The following RABL3 variants were observed in gnomAD, a reference collection of about 807,000 sequenced individuals.
RABL3 encodes the protein rab-like protein 3.
In RABL3, 31 loss-of-function variants were observed where a neutral mutation model predicts 31.8. The ratio of observed to expected loss-of-function variants is 0.97; its 90% CI spans 0.73 to 1.31. The LOEUF is 1.31. Ranked by LOEUF, RABL3 falls within the 40% of genes most tolerant of loss-of-function variation. RABL3 has a pLI of 0.00. For missense variants in RABL3, 263 were observed against 279.6 expected, an observed-to-expected ratio of 0.94 and a Z score of 0.42; for synonymous variants, 97 against 99.9, an observed-to-expected ratio of 0.97 and a Z score of 0.18.
At chr3:120,691,446 T>C (rs1489538422) in intron 6 of RABL3, among the ~76,000 whole-genome samples, 4 of 152,174 alleles carry the variant, frequency 2.6e-5, no homozygotes, top group Non-Finnish European at 5.9e-5. Context: ...TTTTTTCACT[T>C]TCAGTATAGT....
At chr3:120,728,789 GACAGAGAGAAAGAGT>G (rs1576345874) in intron 2 of RABL3, among the ~76,000 whole-genome samples, 2 of 151,936 alleles carry the variant, frequency 1.3e-5, no homozygotes, top group East Asian at 3.9e-4. Context: ...AATATTTTGA[GACAGAGAGAAAGAGT>G]ACAGAGAGGA....
At chr3:120,729,934 T>C (rs951774926) in intron 2 of RABL3, among the ~76,000 whole-genome samples, 4 of 151,922 alleles carry the variant, frequency 2.6e-5, no homozygotes, top group African/African-American at 4.8e-5. Flanking sequence ...CACCTAGACA[T>C]AGGTTAGCAA....
At chr3:120,738,357 A>T (rs1324488821) in intron 1 of RABL3, among the ~76,000 whole-genome samples, 1 of 152,204 alleles carries the variant, frequency 6.6e-6, no homozygotes, top group African/African-American at 2.4e-5. Flanking sequence ...GGAAAAGCAC[A>T]GTATTAGGGT....
chr3:120,703,002 C>T (rs896017349), intron 4 of RABL3, among the ~76,000 whole-genome samples: 7 of 151,820 alleles, frequency 4.6e-5, no homozygotes, highest in Non-Finnish European at 8.8e-5. Flanking sequence ...GCCTGGGGAC[C>T]GAAAAAGGGA....
chr3:120,689,602 C>A lies in RABL3; in HGVS notation c.*221G>T. The stretch of plus-strand genomic sequence containing the variant: ...TATTTACACAAGGCTTTTACATAAT[C>A]TATACACAGGGACAGAAAGGTAAGG... On this transcript the variant is annotated 3_prime_UTR_variant, in exon 8 of 8. Transcript: ENST00000273375. The A allele has an allele frequency of 2.3e-6, 1 of 437,888 alleles. No homozygotes were observed. Among genetic ancestry groups the A allele is most frequent in the Non-Finnish European group, 4.1e-6 (1 of 242,748 alleles). 27.1% of individuals were successfully genotyped at this position (437,888 alleles called of 1,614,324 possible).
rs373262343 is a variant in RABL3, at chr3:120,723,661, C to T, written c.138+7035G>A. Among the ~76,000 whole-genome samples the T allele has an allele frequency of 2.6e-4, 40 of 152,270 alleles. No individual in the cohort carries two copies. The East Asian group carries it at 4.2e-3, about 16-fold the overall frequency. The stretch of plus-strand genomic sequence containing the variant: ...GGTTCAACATACGCAAATCAATAAA[C>T]GTAATCCAGCATATAAACAGAACCA... On this transcript the variant is annotated intron_variant, in intron 2 of 7. Coordinates refer to ENST00000273375, the MANE Select transcript of RABL3 (RefSeq NM_173825.5).
At position 120,742,459 on chromosome 3, in the gene RABL3, C is replaced by G; in HGVS notation, c.46+3G>C. 1.9e-6 allele frequency: 3 copies of G among 1,614,110 alleles called. No homozygotes were observed. The highest frequency in any genetic ancestry group is 2.5e-6 in the Non-Finnish European group (3 of 1,179,962). On this transcript the variant is annotated splice_donor_region_variant and intron_variant, in intron 1 of 7. Coordinates refer to ENST00000273375, the MANE Select transcript of RABL3 (RefSeq NM_173825.5). Reference sequence around the variant, plus strand: ...AGCCCCAGAGGTAGGGTAAGCCGCTCACCTGAGTCTCCCAACACCAGTACC... The same window carrying G: ...AGCCCCAGAGGTAGGGTAAGCCGCTGACCTGAGTCTCCCAACACCAGTACC...
chr3:120,689,770 G>A lies in RABL3; in HGVS notation c.*53C>T, dbSNP rs961510562. ...TGGTAATAATTGAACACAGCAAGAT[G>A]AGCTGTGAAAAACTGCCACTGCTTG... On this transcript the variant is annotated 3_prime_UTR_variant, in exon 8 of 8. Transcript: ENST00000273375. 8 of 1,165,954 alleles carry A rather than the reference G, an allele frequency of 6.9e-6. No individual in the cohort carries two copies. Among genetic ancestry groups the A allele is most frequent in the African/African-American group, 3.0e-5 (2 of 66,102 alleles). The allele number at this position is 1,165,954 out of a possible 1,614,324, so 72.2% of individuals were successfully genotyped here. A position where few individuals can be genotyped will look rare whatever the true frequency, so the allele number is the denominator to read the frequency against.
intron 2 of RABL3, among the ~76,000 whole-genome samples, chr3:120,726,271 TA>T (rs528235165): frequency 2.6e-5 from 4 of 151,506 alleles, no homozygotes; most frequent in South Asian, 4.2e-4. Flanking sequence ...TGATTTCTGT[TA>T]AAAAAAAACC....
intron 2 of RABL3, among the ~76,000 whole-genome samples, chr3:120,718,896 G>A (rs1298332951): frequency 6.6e-6 from 1 of 152,116 alleles, no homozygotes; most frequent in Non-Finnish European, 1.5e-5. Context: ...ATAACAAAAT[G>A]TTAAATCCTT....
intron 2 of RABL3, among the ~76,000 whole-genome samples, chr3:120,717,386 G>C (rs2107586753): frequency 6.6e-6 from 1 of 152,022 alleles, no homozygotes; most frequent in Non-Finnish European, 1.5e-5. Flanking sequence ...ACACAATTCA[G>C]GTAAGACTGT....
Position 120,730,790 on chromosome 3 carries a change from G to T in RABL3, c.47-3C>A. On this transcript the variant is annotated splice_region_variant and splice_polypyrimidine_tract_variant and intron_variant, in intron 1 of 7. Coordinates refer to ENST00000273375, the MANE Select transcript of RABL3 (RefSeq NM_173825.5). Reference sequence around the variant, plus strand: ...GACTAACGAAGATTTCCCAACACCTGTAAGAGATACAAGAACTCTAGTCAC... The same window carrying T: ...GACTAACGAAGATTTCCCAACACCTTTAAGAGATACAAGAACTCTAGTCAC... 6.2e-7 allele frequency: 1 copy of T among 1,601,388 alleles called. No individual in the cohort carries two copies. The highest frequency in any genetic ancestry group is 8.6e-7 in the Non-Finnish European group (1 of 1,168,646).
chr3:120,729,885 C>A (rs1199820581), intron 2 of RABL3, among the ~76,000 whole-genome samples: 1 of 151,726 alleles, frequency 6.6e-6, no homozygotes, highest in East Asian at 1.9e-4. Flanking sequence ...AGATGAGAAC[C>A]ATGACTACTT....
intron 1 of RABL3, among the ~76,000 whole-genome samples, chr3:120,735,080 CCT>C (rs1708939000): frequency 6.6e-6 from 1 of 152,154 alleles, no homozygotes; most frequent in African/African-American, 2.4e-5. Flanking sequence ...GGGAGGGTTC[CCT>C]CTTTTTCCGT....
chr3:120,689,913 T>G, intron 7 of RABL3, 25 bp from the exon 8 acceptor site: 1 of 1,587,434 alleles, frequency 6.3e-7, no homozygotes, highest in Non-Finnish European at 8.6e-7. Context: ...GATAATTGCA[T>G]TAAGTCTCAA....
rs539240451 is a variant in RABL3, at chr3:120,721,838, T to C, written c.138+8858A>G. Among the ~76,000 whole-genome samples, 10 of 152,292 alleles carry C rather than the reference T, an allele frequency of 6.6e-5. No individual in the cohort carries two copies. The East Asian group carries it at 1.7e-3, about 26-fold the overall frequency. Reference sequence around the variant, plus strand: ...CTGCACCAAGCGGACCTAATAGATATCTACAGAACTCTCCATCCCAAGTCA... The same window carrying C: ...CTGCACCAAGCGGACCTAATAGATACCTACAGAACTCTCCATCCCAAGTCA... On this transcript the variant is annotated intron_variant, in intron 2 of 7. Transcript: ENST00000273375.
chr3:120,725,507 C>T (rs952524105), intron 2 of RABL3, among the ~76,000 whole-genome samples: 21 of 152,154 alleles, frequency 1.4e-4, no homozygotes, highest in Non-Finnish European at 1.8e-4. Flanking sequence ...CGTATGTTTA[C>T]TGCAGCACTA....
rs1708318383 is a variant in RABL3, at chr3:120,687,142, C to T, written c.*2681G>A. ...TTGGATTCCAGCTAAGTCTTATACA[C>T]CTAAGGGACAGAGGAGTAGTCATAT... is the stretch of plus-strand genomic sequence containing the variant. On this transcript the variant is annotated 3_prime_UTR_variant, in exon 8 of 8. Transcript: ENST00000273375. The T allele has an allele frequency of 6.6e-6, 1 of 152,158 alleles. No homozygotes were observed. Among genetic ancestry groups the T allele is most frequent in the Non-Finnish European group, 1.5e-5 (1 of 68,040 alleles). 9.4% of individuals were successfully genotyped at this position (152,158 alleles called of 1,614,324 possible). A position where few individuals can be genotyped will look rare whatever the true frequency, so the allele number is the denominator to read the frequency against.
At chr3:120,705,952 T>C (rs1349738152) in intron 4 of RABL3, 48 bp downstream of exon 4, 5 of 1,088,798 alleles carry the variant, frequency 4.6e-6, no homozygotes, top group Middle Eastern at 3.9e-4. Flanking sequence ...GGGAAGTACA[T>C]TCCTGTGATT....
Sources: allele counts gnomAD v4.1 joint callset (sites outside exome capture counted in the v4.1 genomes callset), GRCh38; gene constraint gnomAD v4.1.1; transcripts MANE v1.5; gene names NCBI Gene and HGNC (gene_info 2026-07-23, HGNC 2026-07-21).